Variants in RILPL1 observed in about 807,000 individuals in gnomAD.
The protein encoded by RILPL1 is Rab interacting lysosomal protein like 1, also known as RILP-like protein 1.
RILPL1 carries 33 observed loss-of-function variants against 50.3 expected under a neutral mutation model. That is an observed-to-expected ratio of 0.66 (90% CI 0.50 to 0.88). The LOEUF is 0.88. Ranked by LOEUF, RILPL1 falls within the 40% of genes least tolerant of loss-of-function variation. The pLI is 0.00. For synonymous variants in RILPL1, 205 were observed against 228.6 expected, an observed-to-expected ratio of 0.90 and a Z score of 0.93; for missense variants, 418 against 542.5, an observed-to-expected ratio of 0.77 and a Z score of 2.28.
chr12:123,525,035 G>C (rs1885200451), intron 1 of RILPL1, among the ~76,000 whole-genome samples: 1 of 152,140 alleles, frequency 6.6e-6, no homozygotes, highest in South Asian at 2.1e-4. Context: ...GGGAGGCTGA[G>C]GCAGGAGAAT....
intron 6 of RILPL1, among the ~76,000 whole-genome samples, chr12:123,480,467 G>T (rs147333427): frequency 2.0e-5 from 3 of 152,090 alleles, no homozygotes; most frequent in Non-Finnish European, 2.9e-5. Flanking sequence ...GGCCTGAAAG[G>T]CTAATTCTTA....
intron 2 of RILPL1, among the ~76,000 whole-genome samples, chr12:123,519,022 A>G (rs909269089): frequency 6.6e-5 from 9 of 135,366 alleles, no homozygotes; most frequent in African/African-American, 2.6e-4. Context: ...GCCCCACTGC[A>G]CTCCAGCCTA....
chr12:123,506,582 G>A (rs1218248641), intron 2 of RILPL1, among the ~76,000 whole-genome samples: 1 of 152,182 alleles, frequency 6.6e-6, no homozygotes, highest in Non-Finnish European at 1.5e-5. Context: ...AGTGTGGACA[G>A]GGCACCAAGG....
rs750285954 is a variant in RILPL1 at position 123,471,532 on chromosome 12, A to G, written c.*1006T>C. ...AGAGAAAGACAGTGTTATGTGGGCA[A>G]GCCTCCAACTCACCAGTTGCAGTAG... On this transcript the variant is annotated 3_prime_UTR_variant, in exon 7 of 7. Coordinates refer to ENST00000376874, the MANE Select transcript of RILPL1 (RefSeq NM_178314.5). 6.6e-6 allele frequency: 1 copy of G among 152,148 alleles called. No individual in the cohort carries two copies. Among genetic ancestry groups the G allele is most frequent in the East Asian group, 1.9e-4 (1 of 5,188 alleles). 9.4% of individuals were successfully genotyped at this position (152,148 alleles called of 1,614,324 possible). A position where few individuals can be genotyped will look rare whatever the true frequency, so the allele number is the denominator to read the frequency against.
chr12:123,527,371 G>A (rs1404710000), intron 1 of RILPL1, among the ~76,000 whole-genome samples: 2 of 150,972 alleles, frequency 1.3e-5, no homozygotes, highest in Non-Finnish European at 2.9e-5. Context: ...GGGCATGATG[G>A]CTTACGCCTA....
Position 123,526,696 on chromosome 12 carries a change from T to C in RILPL1, c.310-3051A>G, listed in dbSNP as rs536451443. Among the ~76,000 whole-genome samples, 8 of 152,262 alleles carry C rather than the reference T, an allele frequency of 5.3e-5. No individual in the cohort carries two copies. In the South Asian group the frequency reaches 1.0e-3, roughly 20 times the overall value. ...CCTCCTTTGTCAGAAGCCTGCTGCA[T>C]TGGGGAAGAGAGGAGTAATAGCCTA... On this transcript the variant is annotated intron_variant, in intron 1 of 6. Transcript: ENST00000376874.
At chr12:123,474,843 C>A (rs1055744279) in intron 6 of RILPL1, 8 of 152,208 alleles carry the variant, frequency 5.3e-5, no homozygotes, top group African/African-American at 1.7e-4. Context: ...GTGTTGCAGC[C>A]TCCAGAGTTT....
At chr12:123,493,466 C>A (rs1882829590) in intron 4 of RILPL1, among the ~76,000 whole-genome samples, 1 of 152,126 alleles carries the variant, frequency 6.6e-6, no homozygotes, top group Non-Finnish European at 1.5e-5. Flanking sequence ...CCCTGGGTCC[C>A]CTTATTTCTT....
intron 2 of RILPL1, among the ~76,000 whole-genome samples, chr12:123,511,909 G>A (rs1279501671): frequency 7.2e-6 from 1 of 138,736 alleles, no homozygotes; most frequent in African/African-American, 2.8e-5. Flanking sequence ...CTGTATGTGT[G>A]AGGTCTGTGT....
At chr12:123,496,769 C>T (rs1883058386) in intron 4 of RILPL1, among the ~76,000 whole-genome samples, 1 of 152,226 alleles carries the variant, frequency 6.6e-6, no homozygotes, top group South Asian at 2.1e-4. Context: ...GGAACAGACA[C>T]CGCTAGTGCC....
chr12:123,503,186 C>CTTT lies in RILPL1; in HGVS notation c.461-3653_461-3651dup, dbSNP rs373514624. 5.9e-3 allele frequency among the ~76,000 whole-genome samples: 479 copies of CTTT among 80,702 alleles called. 85 individuals carry two copies. The highest frequency in any genetic ancestry group is 0.019 in the African/African-American group (344 of 17,936). The allele number at this position is 80,702 out of a possible 152,430, so 52.9% of individuals were successfully genotyped here. On this transcript the variant is annotated intron_variant, in intron 2 of 6. Coordinates refer to ENST00000376874, the MANE Select transcript of RILPL1 (RefSeq NM_178314.5). ...ACAGGCGTGAACCACCACGCCTGGC[C>CTTT]TTTTTTTTTTTTTTTTTTTTTTTTT...
chr12:123,494,117 C>T (rs573076009), intron 4 of RILPL1, among the ~76,000 whole-genome samples: 23 of 152,226 alleles, frequency 1.5e-4, no homozygotes, highest in Non-Finnish European at 2.8e-4. Context: ...CCAAGCCCTC[C>T]CCTGATCTTA....
At chr12:123,512,013 G>A (rs1220950264) in intron 2 of RILPL1, among the ~76,000 whole-genome samples, 2 of 137,152 alleles carry the variant, frequency 1.5e-5, no homozygotes, top group Non-Finnish European at 3.1e-5. Context: ...GTATGTGTGA[G>A]GTCTGTGTGT....
At chr12:123,494,976 T>C (rs1882935572) in intron 4 of RILPL1, among the ~76,000 whole-genome samples, 1 of 152,172 alleles carries the variant, frequency 6.6e-6, no homozygotes, top group Non-Finnish European at 1.5e-5. Context: ...GCTAAGTCAC[T>C]GCCGTTTTCT....
chr12:123,481,340 T>G (rs1881981815), intron 6 of RILPL1, among the ~76,000 whole-genome samples: 2 of 143,956 alleles, frequency 1.4e-5, no homozygotes. Context: ...GCCTCGGCAA[T>G]GGAGTGAGAC....
chr12:123,495,151 G>T (rs1211171698), intron 4 of RILPL1, among the ~76,000 whole-genome samples: 1 of 151,920 alleles, frequency 6.6e-6, no homozygotes, highest in Non-Finnish European at 1.5e-5. Flanking sequence ...AGGGAAAGAG[G>T]CCATTTCTTT....
chr12:123,520,014 G>A (rs1169278734), intron 2 of RILPL1, among the ~76,000 whole-genome samples: 2 of 152,220 alleles, frequency 1.3e-5, no homozygotes, highest in African/African-American at 2.4e-5. Context: ...GTGGGTCCAA[G>A]GCCTCCAGGC....
intron 1 of RILPL1, among the ~76,000 whole-genome samples, chr12:123,523,909 T>C (rs932351709): frequency 6.6e-6 from 1 of 152,222 alleles, no homozygotes; most frequent in Non-Finnish European, 1.5e-5. Context: ...ACAAAGCTAA[T>C]GCCGCATCTT....
intron 4 of RILPL1, among the ~76,000 whole-genome samples, chr12:123,495,151 G>A (rs1211171698): frequency 1.3e-5 from 2 of 151,920 alleles, no homozygotes; most frequent in Non-Finnish European, 2.9e-5. Context: ...AGGGAAAGAG[G>A]CCATTTCTTT....
Sources: gnomAD v4.1 joint callset for allele counts (sites outside exome capture counted in the v4.1 genomes callset) on GRCh38, gnomAD v4.1.1 for gene constraint, MANE v1.5 for transcripts, NCBI Gene and HGNC (gene_info 2026-07-23, HGNC 2026-07-21) for gene names.